Variants in UNC79 observed in about 807,000 individuals in gnomAD.
UNC79 encodes the protein protein unc-79 homolog.
In UNC79, 37 loss-of-function variants were observed where a neutral mutation model predicts 283.1. The observed-to-expected ratio is 0.13, with a 90% CI of 0.10 to 0.17. The LOEUF (loss-of-function observed/expected upper bound fraction) is 0.17. UNC79 is among the 10% of genes least tolerant of loss of function. The probability of loss-of-function intolerance (pLI) is 1.00; values close to 1 mark genes in which losing one functional copy is unlikely to be tolerated. For missense variants in UNC79, 2,272 were observed against 3,211.1 expected (o/e 0.71, Z 7.07); for synonymous variants, 1,107 against 1,200.2 (o/e 0.92, Z 1.61).
At chr14:93,489,023 C>G (rs2058594923) in intron 5 of UNC79, among the ~76,000 whole-genome samples, 2 of 152,170 alleles carry the variant, frequency 1.3e-5, no homozygotes, top group South Asian at 4.1e-4. Context: ...CTCACTGCAG[C>G]CTTGACCTAC....
At position 93,474,092 on chromosome 14, in the gene UNC79, T is replaced by C; in HGVS notation, c.147T>C (p.Ile49=). Residue 49 remains isoleucine, a synonymous_variant, in exon 3 of 49, where the codon ATT becomes ATC. Coordinates refer to ENST00000555664, the Ensembl canonical transcript of UNC79. The surrounding 1 kb of genome is among the most constrained non-coding windows in gnomAD (Gnocchi z 4.1). ...TTTTTCTTTGTCCCCCCAACAGCATTTTGTCCCGCACAGGGAAGAAGGAAA... is the reference window on the plus strand; with the variant it reads ...TTTTTCTTTGTCCCCCCAACAGCATCTTGTCCCGCACAGGGAAGAAGGAAA... The C allele has an allele frequency of 6.5e-7, 1 of 1,530,204 alleles. No homozygotes were observed. The highest frequency in any genetic ancestry group is 8.8e-7 in the Non-Finnish European group (1 of 1,142,486). The allele number at this position is 1,530,204 out of a possible 1,614,324, so 94.8% of individuals were successfully genotyped here.
At chr14:93,634,374 A>G in intron 31 of UNC79, 147 bp from the exon 34 acceptor site, 1 of 603,932 alleles carries the variant, frequency 1.7e-6, no homozygotes, top group Non-Finnish European at 2.9e-6. Flanking sequence ...AGAGTACCTT[A>G]ATTTTTCATT....
chr14:93,674,167 A>T (rs1181423530), intron 41 of UNC79, among the ~76,000 whole-genome samples: 4 of 152,128 alleles, frequency 2.6e-5, no homozygotes, highest in Admixed American at 2.6e-4. Flanking sequence ...AAAAACTCCT[A>T]GGGAGAAGTT....
chr14:93,464,352 C>T (rs1198881960), intron 1 of UNC79, among the ~76,000 whole-genome samples: 1 of 152,144 alleles, frequency 6.6e-6, no homozygotes, highest in Non-Finnish European at 1.5e-5. Flanking sequence ...CAGATGGCTG[C>T]CTTCTCTCTC....
intron 1 of UNC79, among the ~76,000 whole-genome samples, chr14:93,348,526 A>G (rs556283550): frequency 8.5e-5 from 13 of 152,196 alleles, no homozygotes; most frequent in Non-Finnish European, 1.9e-4. Context: ...GTGAGGTAAT[A>G]TAAGTTTAGC....
At chr14:93,639,009 T>C (rs2068766118) in intron 32 of UNC79, among the ~76,000 whole-genome samples, 1 of 152,234 alleles carries the variant, frequency 6.6e-6, no homozygotes, top group South Asian at 2.1e-4. Context: ...TGCTGTCATA[T>C]GGAAAAACAA....
chr14:93,365,520 C>T (rs777018722), intron 1 of UNC79, among the ~76,000 whole-genome samples: 2 of 151,860 alleles, frequency 1.3e-5, no homozygotes, highest in African/African-American at 2.4e-5. Context: ...ACATGGCAAG[C>T]AGAGAACGAT....
chr14:93,446,566 G>T (rs2056467461), intron 1 of UNC79, among the ~76,000 whole-genome samples: 4 of 151,980 alleles, frequency 2.6e-5, no homozygotes, highest in Admixed American at 2.6e-4. Context: ...TGGCCAATTT[G>T]CATTTTTAGT....
intron 26 of UNC79, among the ~76,000 whole-genome samples, chr14:93,604,201 G>T (rs956487274): frequency 6.6e-6 from 1 of 152,028 alleles, no homozygotes; most frequent in African/African-American, 2.4e-5. Context: ...TTTATTAAAT[G>T]ATTTAATCTT....
chr14:93,524,159 G>A (rs756911370), intron 8 of UNC79, 117 bp downstream of exon 8: 14 of 1,092,588 alleles, frequency 1.3e-5, no homozygotes, highest in Admixed American at 3.9e-5. Flanking sequence ...GTAGTAATTC[G>A]AAGTACCTCC....
At chr14:93,426,783 C>A (rs1322635655), upstream of UNC79, among the ~76,000 whole-genome samples, 2 of 151,894 alleles carry the variant, frequency 1.3e-5, no homozygotes, top group Non-Finnish European at 2.9e-5. Context: ...TTTTTCACTG[C>A]ACTGAGCAGA....
chr14:93,648,600 G>A (rs1462603767), intron 35 of UNC79, among the ~76,000 whole-genome samples: 2 of 152,160 alleles, frequency 1.3e-5, no homozygotes. Context: ...TTGCTGAGAT[G>A]AGCAAGCCTG....
At chr14:93,683,876 C>G (rs945552006) in intron 42 of UNC79, among the ~76,000 whole-genome samples, 2 of 151,072 alleles carry the variant, frequency 1.3e-5, no homozygotes, top group African/African-American at 4.9e-5. Context: ...TTCATCAGGG[C>G]ATGAAGGACA....
chr14:93,598,705 A>G (rs1162100787), intron 24 of UNC79, among the ~76,000 whole-genome samples: 1 of 152,088 alleles, frequency 6.6e-6, no homozygotes, highest in Non-Finnish European at 1.5e-5. Flanking sequence ...TATTTTTAGT[A>G]AAGACAGGGT....
intron 30 of UNC79, among the ~76,000 whole-genome samples, chr14:93,626,437 T>C (rs999314852): frequency 6.6e-5 from 10 of 152,202 alleles, no homozygotes; most frequent in Non-Finnish European, 8.8e-5. Flanking sequence ...AATTCTCCCT[T>C]CTGTATCCTC....
At chr14:93,490,009 A>G (rs1031817313) in intron 5 of UNC79, among the ~76,000 whole-genome samples, 6 of 152,228 alleles carry the variant, frequency 3.9e-5, no homozygotes, top group Non-Finnish European at 8.8e-5. Flanking sequence ...TGCTCTGCCC[A>G]AAGGGCAGCT....
At chr14:93,517,618 G>T (rs1022457836) in intron 7 of UNC79, among the ~76,000 whole-genome samples, 1 of 151,696 alleles carries the variant, frequency 6.6e-6, no homozygotes, top group Non-Finnish European at 1.5e-5. Flanking sequence ...CTGTTAATAT[G>T]GTAAATTACA....
chr14:93,570,867 C>T (rs939601821), intron 14 of UNC79, among the ~76,000 whole-genome samples: 5 of 152,164 alleles, frequency 3.3e-5, no homozygotes, highest in African/African-American at 1.2e-4. Context: ...TATTATGTGG[C>T]TTGACCATAA....
In UNC79 at chr14:93,467,654, T is replaced by TG; in HGVS notation, c.23-17_23-16insG. 1 of 1,148,454 alleles carries TG rather than the reference T, an allele frequency of 8.7e-7. No homozygotes were observed. 71.1% of individuals were successfully genotyped at this position (1,148,454 alleles called of 1,614,324 possible). On this transcript the variant is annotated splice_polypyrimidine_tract_variant and intron_variant, in intron 1 of 48. Transcript: ENST00000555664. The stretch of plus-strand genomic sequence containing the variant: ...TTTTTTTTTTTTTTTTTTTTTTTTT[T>TG]TTTTGCTTTTATCTAGTTGCTTCCA...
Sources: gnomAD v4.1 joint callset for allele counts (sites outside exome capture counted in the v4.1 genomes callset) on GRCh38, gnomAD v4.1.1 for gene constraint, Gnocchi (gnomAD v3.1) non-coding constraint, MANE v1.5 for transcripts, NCBI Gene and HGNC (gene_info 2026-07-23, HGNC 2026-07-21) for gene names.